Variants in SYN2 observed in about 807,000 individuals in gnomAD.
SYN2 encodes the protein synapsin II.
In SYN2, 19 loss-of-function variants were observed where a neutral mutation model predicts 50.9. The observed-to-expected ratio is 0.37, with a 90% CI of 0.26 to 0.55. SYN2 has a LOEUF of 0.55. SYN2 is among the 20% of genes least tolerant of loss of function. The pLI is 0.81. For missense variants in SYN2, 587 were observed against 576.4 expected, an observed-to-expected ratio of 1.02 and a Z score of -0.19; for synonymous variants, 255 against 224.9, an observed-to-expected ratio of 1.13 and a Z score of -1.20.
chr3:12,138,778 G>A (rs556721598), intron 1 of SYN2, among the ~76,000 whole-genome samples: 3 of 152,178 alleles, frequency 2.0e-5, no homozygotes, highest in Non-Finnish European at 4.4e-5. Context: ...AGGAAAATAG[G>A]AGGAAGCATC....
chr3:12,133,650 A>G (rs573488996), intron 1 of SYN2, among the ~76,000 whole-genome samples: 1 of 152,196 alleles, frequency 6.6e-6, no homozygotes, highest in Non-Finnish European at 1.5e-5. Context: ...TAATTACTAC[A>G]CTGGCTTCTG....
intron 1 of SYN2, among the ~76,000 whole-genome samples, chr3:12,114,547 T>G (rs1696389243): frequency 1.3e-5 from 2 of 152,186 alleles, no homozygotes. Context: ...CTATGTTTTC[T>G]TCTAACAGTT....
intron 1 of SYN2, among the ~76,000 whole-genome samples, chr3:12,079,067 G>A (rs1695532212): frequency 1.3e-5 from 2 of 151,942 alleles, no homozygotes; most frequent in South Asian, 2.1e-4. Flanking sequence ...TTTAGCAATC[G>A]TGAACAGGAG....
chr3:12,132,121 C>A (rs772221859), intron 1 of SYN2, among the ~76,000 whole-genome samples: 6 of 151,116 alleles, frequency 4.0e-5, no homozygotes, highest in Non-Finnish European at 5.9e-5. Flanking sequence ...ATCCTCCAGC[C>A]TCAGCCTCCC....
intron 1 of SYN2, among the ~76,000 whole-genome samples, chr3:12,050,613 G>A (rs763375462): frequency 4.8e-4 from 72 of 151,058 alleles, no homozygotes; most frequent in Non-Finnish European, 8.1e-4. Flanking sequence ...CAAAGTGCTG[G>A]GATTACAGGC....
intron 10 of SYN2, among the ~76,000 whole-genome samples, chr3:12,182,158 G>C (rs1292187365): frequency 6.6e-6 from 1 of 152,170 alleles, no homozygotes; most frequent in Non-Finnish European, 1.5e-5. Flanking sequence ...GGCCATAATG[G>C]GCAGGGAGAT....
At chr3:12,143,181 T>G (rs995997270) in intron 3 of SYN2, among the ~76,000 whole-genome samples, 3 of 152,146 alleles carry the variant, frequency 2.0e-5, no homozygotes, top group Non-Finnish European at 4.4e-5. Context: ...TTCCTGTAAC[T>G]GGGGTGCAGG....
chr3:12,103,547 C>A (rs772341527), intron 1 of SYN2, among the ~76,000 whole-genome samples: 11 of 152,136 alleles, frequency 7.2e-5, no homozygotes, highest in African/African-American at 1.4e-4. Flanking sequence ...ATGTCAGGAT[C>A]GCCCCATTAC....
At chr3:12,173,272 A>C (rs1697977977) in intron 10 of SYN2, among the ~76,000 whole-genome samples, 1 of 152,196 alleles carries the variant, frequency 6.6e-6, no homozygotes, top group African/African-American at 2.4e-5. Flanking sequence ...TCTAGATAAT[A>C]GCACATTTTC....
intron 1 of SYN2, among the ~76,000 whole-genome samples, chr3:12,116,694 C>T (rs1320306813): frequency 6.6e-6 from 1 of 152,170 alleles, no homozygotes; most frequent in Non-Finnish European, 1.5e-5. Context: ...AGAGGGTTCC[C>T]CTTTGTTGAT....
At chr3:12,180,956 T>G (rs1342003302) in intron 10 of SYN2, among the ~76,000 whole-genome samples, 1 of 152,244 alleles carries the variant, frequency 6.6e-6, no homozygotes, top group East Asian at 1.9e-4. Context: ...ATAGTTTCAC[T>G]GGATTGGAAG....
rs1346666490 is a variant in SYN2 at position 12,057,869 on chromosome 3, AT to A, written c.377+52942del. ...TTTAGAAGAACATTAAAACTGAAAC[AT>A]ATAAACATACTCGAAACATAGTCTT... On this transcript the variant is annotated intron_variant, in intron 1 of 12. Coordinates refer to ENST00000621198, the MANE Select transcript of SYN2 (RefSeq NM_133625.6). Among the ~76,000 whole-genome samples, 5 of 152,344 alleles carry A rather than the reference AT, an allele frequency of 3.3e-5. No homozygotes were observed. In the South Asian group the frequency reaches 1.0e-3, roughly 32 times the overall value.
At chr3:12,112,232 C>G (rs1368286333) in intron 1 of SYN2, among the ~76,000 whole-genome samples, 1 of 152,166 alleles carries the variant, frequency 6.6e-6, no homozygotes, top group Non-Finnish European at 1.5e-5. Flanking sequence ...GTTTGACTGT[C>G]TGCTATCCCC....
intron 1 of SYN2, among the ~76,000 whole-genome samples, chr3:12,083,827 A>G (rs943117751): frequency 2.6e-5 from 4 of 152,172 alleles, no homozygotes; most frequent in Non-Finnish European, 5.9e-5. Flanking sequence ...TTCTCCATCT[A>G]CCTAGCAGAA....
At chr3:12,067,131 G>A (rs1695232230) in intron 1 of SYN2, among the ~76,000 whole-genome samples, 1 of 152,144 alleles carries the variant, frequency 6.6e-6, no homozygotes, top group Admixed American at 6.5e-5. Context: ...ACTACAAGAT[G>A]AGATTTGCGT....
chr3:12,104,908 C>T (rs905738240), intron 1 of SYN2, among the ~76,000 whole-genome samples: 3 of 152,078 alleles, frequency 2.0e-5, no homozygotes, highest in South Asian at 2.1e-4. Flanking sequence ...CAAAACTTAG[C>T]GAAGAGGGAA....
intron 5 of SYN2, chr3:12,159,039 A>G (rs1023505842): frequency 2.1e-5 from 14 of 672,176 alleles, no homozygotes; most frequent in Non-Finnish European, 3.0e-5. Flanking sequence ...TCCGACCTGC[A>G]TACTCAGTAA....
chr3:12,070,144 T>C (rs769691962), intron 1 of SYN2: 4 of 301,588 alleles, frequency 1.3e-5, no homozygotes, highest in African/African-American at 2.2e-5. Context: ...TTAATGACGT[T>C]GAGTATCACA....
chr3:12,187,930 A>G (rs1698378937), intron 12 of SYN2, among the ~76,000 whole-genome samples: 1 of 152,062 alleles, frequency 6.6e-6, no homozygotes, highest in Non-Finnish European at 1.5e-5. Flanking sequence ...TCCCTTCTCT[A>G]GTCTTGTACT....
Sources: gnomAD v4.1 joint callset for allele counts (sites outside exome capture counted in the v4.1 genomes callset) on GRCh38, gnomAD v4.1.1 for gene constraint, MANE v1.5 for transcripts, NCBI Gene and HGNC (gene_info 2026-07-23, HGNC 2026-07-21) for gene names.